Variants in SASS6 observed in about 807,000 individuals in gnomAD.
SASS6 encodes the protein SAS-6 centriolar assembly protein, also known as spindle assembly abnormal protein 6 homolog.
A neutral mutation model predicts 94.9 loss-of-function variants in SASS6; 59 were observed. That is an observed-to-expected ratio of 0.62 (90% CI 0.50 to 0.77). The LOEUF (loss-of-function observed/expected upper bound fraction) is 0.77, where lower values mean the gene tolerates loss of function less well. Ranked by LOEUF, SASS6 falls within the 30% of genes least tolerant of loss-of-function variation. SASS6 has a pLI of 0.00. For synonymous variants in SASS6, 264 were observed against 270.0 expected (o/e 0.98, Z 0.22); for missense variants, 698 against 734.1 (o/e 0.95, Z 0.57).
At chr1:100,125,965 C>G (rs1372540697) in intron 1 of SASS6, 23 bp from the exon 2 acceptor site, 2 of 1,277,022 alleles carry the variant, frequency 1.6e-6, no homozygotes, top group Admixed American at 4.5e-5. Context: ...ACATACCCAA[C>G]CATCAGAAAC....
intron 1 of SASS6, among the ~76,000 whole-genome samples, chr1:100,129,248 AAAT>A (rs1486264053): frequency 6.6e-6 from 1 of 152,068 alleles, no homozygotes; most frequent in South Asian, 2.1e-4. Flanking sequence ...AAAAAAAAAA[AAAT>A]AATAATTTTT....
intron 14 of SASS6, among the ~76,000 whole-genome samples, chr1:100,100,369 G>A (rs1358858981): frequency 6.6e-6 from 1 of 152,196 alleles, no homozygotes; most frequent in Non-Finnish European, 1.5e-5. Flanking sequence ...GCACCATAGT[G>A]TCAGGGCATT....
chr1:100,125,150 A>T (rs1204233926), intron 2 of SASS6, among the ~76,000 whole-genome samples: 1 of 151,772 alleles, frequency 6.6e-6, no homozygotes, highest in Non-Finnish European at 1.5e-5. Context: ...AAGATTCACA[A>T]ATATCTCCCT....
intron 14 of SASS6, among the ~76,000 whole-genome samples, chr1:100,090,089 A>G (rs768692631): frequency 1.2e-4 from 18 of 152,084 alleles, no homozygotes; most frequent in Non-Finnish European, 2.2e-4. Context: ...AGAAAATAAA[A>G]GAAAGCCAAG....
At position 100,087,653 on chromosome 1, in the gene SASS6, C is replaced by G. The variant is rs371436933; in HGVS notation, c.1772+486G>C. ...ATTTTTGTTATCTATGGGAAAATCT[C>G]ACAAACCTTTTTACTCATTCTCTGT... On this transcript the variant is annotated intron_variant, in intron 15 of 16. Transcript: ENST00000287482. Among the ~76,000 whole-genome samples the G allele has an allele frequency of 5.5e-4, 84 of 152,212 alleles. No homozygotes were observed. The South Asian group carries it at 0.017, about 30-fold the overall frequency.
intron 12 of SASS6, among the ~76,000 whole-genome samples, 153 bp downstream of exon 12, chr1:100,106,759 C>T (rs909157521): frequency 2.8e-4 from 43 of 152,062 alleles, no homozygotes; most frequent in Middle Eastern, 3.4e-3. Context: ...GGGGCTGAGG[C>T]GGGAGGATAA....
intron 7 of SASS6, among the ~76,000 whole-genome samples, chr1:100,111,015 A>C (rs949662860): frequency 2.6e-5 from 4 of 152,064 alleles, no homozygotes; most frequent in African/African-American, 9.6e-5. Context: ...AAATTTGAAC[A>C]TGGTTATAAC....
intron 1 of SASS6, among the ~76,000 whole-genome samples, chr1:100,130,376 C>T (rs1373293361): frequency 6.6e-6 from 1 of 152,172 alleles, no homozygotes; most frequent in Non-Finnish European, 1.5e-5. Flanking sequence ...GAACTGGCCT[C>T]AAATACTCAA....
At chr1:100,101,934 C>A (rs1652523880) in intron 14 of SASS6, among the ~76,000 whole-genome samples, 1 of 152,096 alleles carries the variant, frequency 6.6e-6, no homozygotes, top group East Asian at 1.9e-4. Context: ...GTTTGTAATA[C>A]CAGTTTCAAA....
In SASS6 at chr1:100,100,367, G is replaced by A. The variant is rs181142491; in HGVS notation, c.1674+2588C>T. On this transcript the variant is annotated intron_variant, in intron 14 of 16. Coordinates refer to ENST00000287482, the MANE Select transcript of SASS6 (RefSeq NM_194292.3). ...TTCACCACAAAATGTAAGCACCATA[G>A]TGTCAGGGCATTTGTCTTGTTCACT... Among the ~76,000 whole-genome samples, 424 of 152,322 alleles carry A rather than the reference G, an allele frequency of 2.8e-3. 1 individual carries two copies. The highest frequency in any genetic ancestry group is 4.9e-3 in the Non-Finnish European group (331 of 68,024).
chr1:100,113,753 GA>G (rs1653575010), intron 7 of SASS6, among the ~76,000 whole-genome samples: 1 of 150,894 alleles, frequency 6.6e-6, no homozygotes, highest in Non-Finnish European at 1.5e-5. Flanking sequence ...CTAAACAATA[GA>G]AAAACCACCT....
At chr1:100,097,726 G>A (rs1408318026) in intron 14 of SASS6, among the ~76,000 whole-genome samples, 1 of 152,144 alleles carries the variant, frequency 6.6e-6, no homozygotes, top group Admixed American at 6.5e-5. Flanking sequence ...CTACTCAGGA[G>A]GCTAAGATAG....
At chr1:100,115,241 C>G (rs1466664230) in intron 7 of SASS6, among the ~76,000 whole-genome samples, 1 of 152,026 alleles carries the variant, frequency 6.6e-6, no homozygotes, top group Admixed American at 6.6e-5. Context: ...CATTAACATA[C>G]ACTACTGATA....
chr1:100,089,109 A>G (rs1570681203), intron 14 of SASS6, among the ~76,000 whole-genome samples: 2 of 152,246 alleles, frequency 1.3e-5, no homozygotes, highest in Non-Finnish European at 2.9e-5. Flanking sequence ...CAGACATAAA[A>G]TAGTCAATAT....
Position 100,132,779 on chromosome 1 carries a change from C to CAACGGGACTAGTTGGTGG in SASS6, c.18_35dup (p.Phe6_Pro11dup). On this transcript the variant is annotated inframe_insertion, in exon 1 of 17. Coordinates refer to ENST00000287482, the MANE Select transcript of SASS6 (RefSeq NM_194292.3). ...CCTCACAGTCTTTGCATTTCACCTGCAACGGGACTAGTTGGTGGAACAGCA... is the reference window on the plus strand; with the variant it reads ...CCTCACAGTCTTTGCATTTCACCTGCAACGGGACTAGTTGGTGGAACGGGACTAGTTGGTGGAACAGCA... 6.2e-7 allele frequency: 1 copy of CAACGGGACTAGTTGGTGG among 1,614,184 alleles called. No homozygotes were observed. Among genetic ancestry groups the CAACGGGACTAGTTGGTGG allele is most frequent in the Non-Finnish European group, 8.5e-7 (1 of 1,180,000 alleles).
rs145961147 is a variant in SASS6, at chr1:100,107,154, T to C, written c.1327-161A>G. Among the ~76,000 whole-genome samples, 251 of 152,234 alleles carry C rather than the reference T, an allele frequency of 1.6e-3. 3 individuals are homozygous for C. The highest frequency in any genetic ancestry group is 5.7e-3 in the African/African-American group (235 of 41,546). On this transcript the variant is annotated intron_variant, in intron 11 of 16. Coordinates refer to ENST00000287482, the MANE Select transcript of SASS6 (RefSeq NM_194292.3). The stretch of plus-strand genomic sequence containing the variant: ...TCAATTATGTAATAAAATATTTACA[T>C]GTGTATACAAACATAGACATACATG...
intron 2 of SASS6, 113 bp downstream of exon 2, chr1:100,125,769 C>T: frequency 2.9e-6 from 2 of 685,806 alleles, no homozygotes; most frequent in Non-Finnish European, 2.6e-6. Flanking sequence ...TGCAAAATAG[C>T]CTAAAATGTA....
chr1:100,119,203 T>C, intron 6 of SASS6, 66 bp from the exon 7 acceptor site: 2 of 862,258 alleles, frequency 2.3e-6, no homozygotes, highest in Non-Finnish European at 1.7e-6. Flanking sequence ...TTGATTAGAA[T>C]ATAGCAATAT....
chr1:100,098,073 A>C (rs1652228000), intron 14 of SASS6, among the ~76,000 whole-genome samples: 1 of 152,180 alleles, frequency 6.6e-6, no homozygotes, highest in South Asian at 2.1e-4. Flanking sequence ...CTAATCTTAA[A>C]GTGGAAGGAT....
Sources: gnomAD v4.1 joint callset for allele counts (sites outside exome capture counted in the v4.1 genomes callset) on GRCh38, gnomAD v4.1.1 for gene constraint, MANE v1.5 for transcripts, NCBI Gene and HGNC (gene_info 2026-07-23, HGNC 2026-07-21) for gene names.